SPAG17: variants seen among roughly 807,000 people sequenced by gnomAD.
SPAG17 encodes the protein sperm associated antigen 17.
In SPAG17, 169 loss-of-function variants were observed where a neutral mutation model predicts 273.6. The observed-to-expected ratio is 0.62, with a 90% CI of 0.55 to 0.70. The LOEUF is 0.70. Ranked by LOEUF, SPAG17 falls within the 30% of genes least tolerant of loss-of-function variation. The pLI, the probability that SPAG17 is intolerant of heterozygous loss-of-function variation, is 0.00. For synonymous variants in SPAG17, 825 were observed against 873.2 expected, an observed-to-expected ratio of 0.94 and a Z score of 0.97; for missense variants, 2,557 against 2,627.8, an observed-to-expected ratio of 0.97 and a Z score of 0.59.
rs184852537 is a variant in SPAG17 at position 117,994,667 on chromosome 1, C to T, written c.5054-137G>A. The T allele has an allele frequency of 2.1e-4, 172 of 820,392 alleles. No homozygotes were observed. The African/African-American group carries it at 2.9e-3, about 14-fold the overall frequency. The allele number at this position is 820,392 out of a possible 1,614,324, so 50.8% of individuals were successfully genotyped here. On this transcript the variant is annotated intron_variant, in intron 34 of 48. Transcript: ENST00000336338. ...AGACTAATGAGACACAATGACTATA[C>T]TTAGGAACCTTACAATCAAATAAGA...
At position 118,073,872 on chromosome 1, in the gene SPAG17, T is replaced by A; in HGVS notation, c.2367A>T (p.Lys789Asn). Residue 789 changes from lysine (K) to asparagine (N), a missense_variant, in exon 17 of 49, where the codon AAA becomes AAT. Coordinates refer to ENST00000336338, the MANE Select transcript of SPAG17 (RefSeq NM_206996.4). The part of the protein sequence containing the change: ...LMDWSFTEHF[K>N]PKVLLQVLQE... ...TAAATACCTGAAGCAGTACTTTCGG[T>A]TTAAAATGTTCAGTAAAACTCCAGT... 1 of 1,581,598 alleles carries A rather than the reference T, an allele frequency of 6.3e-7. No homozygotes were observed. Among genetic ancestry groups the A allele is most frequent in the Non-Finnish European group, 8.6e-7 (1 of 1,168,880 alleles).
In SPAG17 at chr1:117,958,399, C is replaced by T. The variant is rs139361385; in HGVS notation, c.*1-4350G>A. Among the ~76,000 whole-genome samples the T allele has an allele frequency of 4.5e-3, 692 of 152,172 alleles. 4 individuals are homozygous for T. The highest frequency in any genetic ancestry group is 0.016 in the African/African-American group (655 of 41,540). On this transcript the variant is annotated intron_variant, in intron 48 of 48. Transcript: ENST00000336338. ...TATTGAATTAGGGTTGCTGGTTCTA[C>T]GAGTAACACTGTGAATACTTATAGC...
Position 117,953,852 on chromosome 1 carries a change from G to A in SPAG17, c.*198C>T. On this transcript the variant is annotated 3_prime_UTR_variant, in exon 49 of 49. Coordinates refer to ENST00000336338, the MANE Select transcript of SPAG17 (RefSeq NM_206996.4). ...ATTAAAAAATAAGAAAACCAAAAAT[G>A]TCTTTAAATGCTTTTTGGCACTCTA... The A allele has an allele frequency of 1.5e-6, 1 of 657,848 alleles. No homozygotes were observed. Among genetic ancestry groups the A allele is most frequent in the Admixed American group, 3.1e-5 (1 of 32,504 alleles). The allele number at this position is 657,848 out of a possible 1,614,324, so 40.8% of individuals were successfully genotyped here.
At chr1:118,183,060 GAACATGAGTTCAA>G (rs1411575993) in intron 1 of SPAG17, among the ~76,000 whole-genome samples, 1 of 152,110 alleles carries the variant, frequency 6.6e-6, no homozygotes, top group Admixed American at 6.5e-5. Context: ...TACCCAACAT[GAACATGAGTTCAA>G]AAATACTATT....
chr1:118,001,358 T>A (rs2101710857), intron 32 of SPAG17, among the ~76,000 whole-genome samples: 1 of 152,356 alleles, frequency 6.6e-6, no homozygotes, highest in South Asian at 2.1e-4. Context: ...GAGGATTCCC[T>A]CTTTTTCTAT....
rs760958676 is a variant in SPAG17, at chr1:118,081,180, G to C, written c.2130C>G (p.Leu710=). Residue 710 remains leucine (L), a synonymous_variant, in exon 15 of 49, where the codon CTC becomes CTG. Coordinates refer to ENST00000336338, the MANE Select transcript of SPAG17 (RefSeq NM_206996.4). The part of the protein sequence containing the change: ...NNMKHSDLNN[L]KLSVPDNRQL... ...GTCTATTATCAGGGACTGAGAGTTTGAGATTATTCAAGTCAGAATGCTTCA... is the reference window on the plus strand; with the variant it reads ...GTCTATTATCAGGGACTGAGAGTTTCAGATTATTCAAGTCAGAATGCTTCA... 6 of 1,613,848 alleles carry C rather than the reference G, an allele frequency of 3.7e-6. No homozygotes were observed. The highest frequency in any genetic ancestry group is 4.2e-6 in the Non-Finnish European group (5 of 1,179,984).
intron 28 of SPAG17, among the ~76,000 whole-genome samples, 184 bp from the exon 29 acceptor site, chr1:118,016,366 T>C (rs909675815): frequency 6.6e-6 from 1 of 152,202 alleles, no homozygotes; most frequent in African/African-American, 2.4e-5. Context: ...AATAGCGTAA[T>C]TTTAGCACTT....
chr1:118,018,790 G>C (rs940959915), intron 28 of SPAG17, among the ~76,000 whole-genome samples: 7 of 152,062 alleles, frequency 4.6e-5, no homozygotes, highest in Non-Finnish European at 1.0e-4. Context: ...AATGTACTGA[G>C]AGAAAATATC....
intron 40 of SPAG17, among the ~76,000 whole-genome samples, chr1:117,987,442 T>C (rs10923457): frequency 0.064 from 9,719 of 152,188 alleles, 528 homozygotes; most frequent in East Asian, 0.31. Flanking sequence ...ACAGCTGGAG[T>C]TGAAATCCCC....
At chr1:117,973,751 G>T (rs1654829451) in intron 43 of SPAG17, among the ~76,000 whole-genome samples, 190 bp from the exon 44 acceptor site, 1 of 151,856 alleles carries the variant, frequency 6.6e-6, no homozygotes, top group Non-Finnish European at 1.5e-5. Flanking sequence ...TGTTACAAGG[G>T]TATAATGCAT....
intron 20 of SPAG17, among the ~76,000 whole-genome samples, chr1:118,045,366 CAT>C (rs1650238948): frequency 6.6e-6 from 1 of 152,176 alleles, no homozygotes; most frequent in African/African-American, 2.4e-5. Context: ...ATCACGCCCA[CAT>C]AACGAAACCT....
rs1197982848 is a variant in SPAG17, at chr1:118,150,770, A to G, written c.229-141T>C. On this transcript the variant is annotated intron_variant, in intron 2 of 48. Transcript: ENST00000336338. ...GAGGTACCCATGAATTAGGTAAAAT[A>G]TTTATAGTTACTTCGTAAGCTGTCA... The G allele has an allele frequency of 1.8e-5, 10 of 545,598 alleles. No homozygotes were observed. In the African/African-American group the frequency reaches 2.0e-4, roughly 11 times the overall value. 33.8% of individuals were successfully genotyped at this position (545,598 alleles called of 1,614,324 possible).
intron 18 of SPAG17, among the ~76,000 whole-genome samples, chr1:118,063,666 T>C (rs1221475908): frequency 3.9e-5 from 6 of 152,240 alleles, no homozygotes; most frequent in South Asian, 2.1e-4. Flanking sequence ...ATTCAGGACA[T>C]AGGCATGGGC....
In SPAG17 at chr1:117,984,784, T is replaced by C. The variant is rs1348422727; in HGVS notation, c.5670-2A>G. ...TTCTGTGTTGTCTCAATTTCCTTCC[T>C]GGTTGATGTTTCCATGATGATGCAA... On this transcript the variant is annotated splice_acceptor_variant, in intron 40 of 48. Transcript: ENST00000336338. LOFTEE classifies it high-confidence loss of function. 3.2e-6 allele frequency: 5 copies of C among 1,568,204 alleles called. No homozygotes were observed. The South Asian group carries it at 3.4e-5, about 11-fold the overall frequency.
rs1320597338 is a variant in SPAG17 at position 118,017,505 on chromosome 1, C to A, written c.4070-1323G>T. Among the ~76,000 whole-genome samples, 3 of 152,030 alleles carry A rather than the reference C, an allele frequency of 2.0e-5. No individual in the cohort carries two copies. The East Asian group carries it at 5.8e-4, about 29-fold the overall frequency. On this transcript the variant is annotated intron_variant, in intron 28 of 48. Coordinates refer to ENST00000336338, the MANE Select transcript of SPAG17 (RefSeq NM_206996.4). ...GCAGGCACTGATTCAATTGAGGGGA[C>A]TTTAGCAGTACGTTAGAGACCTTGG...
intron 1 of SPAG17, among the ~76,000 whole-genome samples, chr1:118,153,163 T>G (rs1253250352): frequency 6.6e-6 from 1 of 152,312 alleles, no homozygotes; most frequent in East Asian, 1.9e-4. Context: ...TCAAGGCAGG[T>G]GTTGACCATT....
intron 3 of SPAG17, among the ~76,000 whole-genome samples, chr1:118,148,119 C>A (rs918364213): frequency 6.6e-6 from 1 of 152,128 alleles, no homozygotes; most frequent in Non-Finnish European, 1.5e-5. Context: ...GTTAGATTAT[C>A]TTTTATCTCT....
intron 18 of SPAG17, among the ~76,000 whole-genome samples, chr1:118,060,497 A>G (rs1652170423): frequency 6.6e-6 from 1 of 152,146 alleles, no homozygotes; most frequent in Non-Finnish European, 1.5e-5. Context: ...ATGAATCATC[A>G]CAACTAGTTA....
rs143845774 is a variant in SPAG17, at chr1:118,122,438, C to A, written c.316-6997G>T. ...CTCTATTTGCATTCCAGTCTTCCCA[C>A]GTAACACTGCAGAGCCTCAGGCAAG... On this transcript the variant is annotated intron_variant, in intron 3 of 48. Coordinates refer to ENST00000336338, the MANE Select transcript of SPAG17 (RefSeq NM_206996.4). 1.4e-4 allele frequency among the ~76,000 whole-genome samples: 21 copies of A among 152,266 alleles called. No individual in the cohort carries two copies. In the East Asian group the frequency reaches 3.9e-3, roughly 28 times the overall value.
Sources: gnomAD v4.1 joint callset for allele counts (sites outside exome capture counted in the v4.1 genomes callset) on GRCh38, gnomAD v4.1.1 for gene constraint, MANE v1.5 for transcripts, NCBI Gene and HGNC (gene_info 2026-07-23, HGNC 2026-07-21) for gene names.